The following DEDD variants were observed in gnomAD, a reference collection of about 807,000 sequenced individuals.
DEDD encodes the protein death effector domain containing, also known as death effector domain-containing protein.
A neutral mutation model predicts 29.2 loss-of-function variants in DEDD; 3 were observed. The ratio of observed to expected loss-of-function variants is 0.10; its 90% CI spans 0.05 to 0.27. The LOEUF (loss-of-function observed/expected upper bound fraction) is 0.27, where lower values mean the gene tolerates loss of function less well. Among genes scored for constraint, DEDD ranks in the 10% least tolerant of loss-of-function variants. DEDD has a pLI of 1.00. For missense variants in DEDD, 261 were observed against 420.5 expected, an observed-to-expected ratio of 0.62 and a Z score of 3.32; for synonymous variants, 152 against 161.3, an observed-to-expected ratio of 0.94 and a Z score of 0.44.
At position 161,121,243 on chromosome 1, in the gene DEDD, TGGA is replaced by T. The variant is rs1655458850; in HGVS notation, c.*901_*903del. 8 of 945,756 alleles carry T rather than the reference TGGA, an allele frequency of 8.5e-6. No homozygotes were observed. The highest frequency in any genetic ancestry group is 5.4e-4 in the Middle Eastern group (1 of 1,852). 58.6% of individuals were successfully genotyped at this position (945,756 alleles called of 1,614,324 possible). On this transcript the variant is annotated 3_prime_UTR_variant, in exon 6 of 6. Transcript: ENST00000368006. ...CCAAGCATGGGAGTGGGCGTAGGAG[TGGA>T]GGAGGGGGAAGGAAAAAGGAATTAC...
chr1:161,123,040 T>C (rs921371919), intron 5 of DEDD, 35 bp downstream of exon 5: 1 of 1,614,086 alleles, frequency 6.2e-7, no homozygotes, highest in African/African-American at 1.3e-5. Flanking sequence ...CTCCTTCAAG[T>C]CTGCTCCATC....
In DEDD at chr1:161,122,158, C is replaced by T. The variant is rs1488270308; in HGVS notation, c.946G>A (p.Ala316Thr). Residue 316 changes from alanine (A) to threonine (T), a missense_variant, in exon 6 of 6, where the codon GCA (alanine) becomes ACA (threonine). Physicochemically the swap from Ala to Thr is moderately conservative, Grantham distance 58. Coordinates refer to ENST00000368006, the MANE Select transcript of DEDD (RefSeq NM_032998.3). The surrounding 1 kb of genome is among the most constrained non-coding windows in gnomAD (Gnocchi z 4.2). The stretch of plus-strand genomic sequence containing the variant: ...GAAGAGGGAATAGGTCAGGGCAATG[C>T]TTGCAGCATCAAGTTCCTCAGGAGT... Reference protein sequence around the residue: ...QKLLRNLMLQALP With the variant: ...QKLLRNLMLQTLP 1 of 1,613,182 alleles carries T rather than the reference C, an allele frequency of 6.2e-7. No homozygotes were observed. Among genetic ancestry groups the T allele is most frequent in the Admixed American group, 1.7e-5 (1 of 60,012 alleles).
chr1:161,126,843 C>T (rs186674528), intron 2 of DEDD, among the ~76,000 whole-genome samples: 1 of 152,228 alleles, frequency 6.6e-6, no homozygotes, highest in Non-Finnish European at 1.5e-5. Flanking sequence ...ATTCCACACC[C>T]CCATCATCAC....
Position 161,121,298 on chromosome 1 carries a change from C to A in DEDD, c.*849G>T. On this transcript the variant is annotated 3_prime_UTR_variant, in exon 6 of 6. Transcript: ENST00000368006. ...TCACTTACACCTATGATGCCCTTTG[C>A]CCAAGCCAGAAGAAAGCAAAGGGGA... 2 of 535,104 alleles carry A rather than the reference C, an allele frequency of 3.7e-6. No homozygotes were observed. Among genetic ancestry groups the A allele is most frequent in the Non-Finnish European group, 4.8e-6 (2 of 417,610 alleles). The allele number at this position is 535,104 out of a possible 1,614,324, so 33.1% of individuals were successfully genotyped here.
Position 161,122,279 on chromosome 1 carries a change from G to A in DEDD, c.825C>T (p.Val275=), listed in dbSNP as rs764004238. Residue 275 remains valine, a synonymous_variant, in exon 6 of 6, where the codon GTC becomes GTT. Transcript: ENST00000368006. The surrounding 1 kb of genome is among the most constrained non-coding windows in gnomAD (Gnocchi z 4.2). ...CTTGCTTGAGGGAGTCTGTGATGAA[G>A]ACACCTTTAAGTGCCTCTAATAAAG... is the stretch of plus-strand genomic sequence containing the variant. The part of the protein sequence containing the change: ...NGSLLEALKG[V]FITDSLKQAV... 6.2e-7 allele frequency: 1 copy of A among 1,614,228 alleles called. No individual in the cohort carries two copies. Among genetic ancestry groups the A allele is most frequent in the South Asian group, 1.1e-5 (1 of 91,088 alleles).
At position 161,123,226 on chromosome 1, in the gene DEDD, C is replaced by T. The variant is rs372379351; in HGVS notation, c.434-5G>A. The T allele has an allele frequency of 3.7e-6, 6 of 1,611,032 alleles. No homozygotes were observed. The highest frequency in any genetic ancestry group is 4.2e-6 in the Non-Finnish European group (5 of 1,177,582). On this transcript the variant is annotated splice_polypyrimidine_tract_variant and splice_region_variant and intron_variant, in intron 4 of 5. Transcript: ENST00000368006. ...CCACAGGATAGTGGGGAGGCACTGA[C>T]CAGAAAGTAAAAGGGAAGAAAACAC...
chr1:161,130,111 G>A (rs541615810), intron 2 of DEDD, among the ~76,000 whole-genome samples: 3 of 152,204 alleles, frequency 2.0e-5, no homozygotes, highest in South Asian at 2.1e-4. Flanking sequence ...AGGGGAAAGC[G>A]ACATGAAAGA....
rs1250682142 is a variant in DEDD, at chr1:161,124,346, G to A, written c.117C>T (p.His39=). 4.3e-6 allele frequency: 7 copies of A among 1,614,110 alleles called. No homozygotes were observed. Among genetic ancestry groups the A allele is most frequent in the African/African-American group, 1.3e-5 (1 of 74,932 alleles). ...MFDIVGTHLT[H]RDVRVLSFLF... ...GGAAAGAAAGCACGCGCACATCTCT[G>A]TGTGTCAGATGAGTGCCCACGATGT... Residue 39 remains histidine, a synonymous_variant, in exon 3 of 6, where the codon CAC becomes CAT. Coordinates refer to ENST00000368006, the MANE Select transcript of DEDD (RefSeq NM_032998.3).
chr1:161,127,619 G>A lies in DEDD; in HGVS notation c.-64-3093C>T, dbSNP rs370971084. Among the ~76,000 whole-genome samples the A allele has an allele frequency of 1.6e-4, 25 of 152,356 alleles. 1 individual carries two copies. The South Asian group carries it at 5.2e-3, about 32-fold the overall frequency. On this transcript the variant is annotated intron_variant, in intron 2 of 5. Coordinates refer to ENST00000368006, the MANE Select transcript of DEDD (RefSeq NM_032998.3). ...ATCCATATATAGTTTTGAGAGCCCA[G>A]ATGCCCCACCCAAAGCATGGGAAAT...
rs1217202023 is a variant in DEDD at position 161,121,690 on chromosome 1, A to G, written c.*457T>C. ...ATAATTTGGAAGAGGGTGGCGATTA[A>G]TTTTCAAAATACACTTCAGAGTCCC... On this transcript the variant is annotated 3_prime_UTR_variant, in exon 6 of 6. Transcript: ENST00000368006. 1.3e-5 allele frequency: 2 copies of G among 155,718 alleles called. No homozygotes were observed. The highest frequency in any genetic ancestry group is 2.9e-5 in the Non-Finnish European group (2 of 69,936). 9.6% of individuals were successfully genotyped at this position (155,718 alleles called of 1,614,324 possible). A position where few individuals can be genotyped will look rare whatever the true frequency, so the allele number is the denominator to read the frequency against.
Position 161,121,779 on chromosome 1 carries a change from A to C in DEDD, c.*368T>G, listed in dbSNP as rs1336525058. The C allele has an allele frequency of 5.7e-6, 1 of 175,126 alleles. No homozygotes were observed. Among genetic ancestry groups the C allele is most frequent in the Non-Finnish European group, 1.2e-5 (1 of 81,080 alleles). The allele number at this position is 175,126 out of a possible 1,614,324, so 10.8% of individuals were successfully genotyped here. ...TTTTAGACAAAATTTAAGAGCTCTC[A>C]TAAAGCCAGAAGTATTGATAACTCC... On this transcript the variant is annotated 3_prime_UTR_variant, in exon 6 of 6. Coordinates refer to ENST00000368006, the MANE Select transcript of DEDD (RefSeq NM_032998.3).
Position 161,124,451 on chromosome 1 carries a change from T to C in DEDD, c.12A>G (p.Leu4=). 6.2e-7 allele frequency: 1 copy of C among 1,602,452 alleles called. No individual in the cohort carries two copies. Among genetic ancestry groups the C allele is most frequent in the Non-Finnish European group, 8.5e-7 (1 of 1,170,764 alleles). Residue 4 remains leucine (L), a synonymous_variant, in exon 3 of 6, where the codon CTA becomes CTG. Coordinates refer to ENST00000368006, the MANE Select transcript of DEDD (RefSeq NM_032998.3). MAG[L]KRRASQVWPE... The stretch of plus-strand genomic sequence containing the variant: ...GCCACACCTGGCTTGCCCGCCGCTT[T>C]AGGCCCGCCATGCTGGGGGCTCAGG...
intron 2 of DEDD, chr1:161,124,799 A>C: frequency 4.8e-6 from 1 of 209,648 alleles, no homozygotes. Flanking sequence ...CGTTTCTACA[A>C]AAAAAGAAAA....
intron 2 of DEDD, among the ~76,000 whole-genome samples, chr1:161,126,555 A>T (rs529953439): frequency 6.6e-6 from 1 of 151,526 alleles, no homozygotes; most frequent in Non-Finnish European, 1.5e-5. Flanking sequence ...TATTGGCCAG[A>T]CTGGTCTCGA....
At chr1:161,126,681 A>G (rs1656212437) in intron 2 of DEDD, among the ~76,000 whole-genome samples, 2 of 152,208 alleles carry the variant, frequency 1.3e-5, no homozygotes, top group Admixed American at 1.3e-4. Flanking sequence ...AAGCCTTCTA[A>G]GATCAGGCCT....
Position 161,122,625 on chromosome 1 carries a change from G to T in DEDD, c.581-102C>A. 1 of 1,412,930 alleles carries T rather than the reference G, an allele frequency of 7.1e-7. No individual in the cohort carries two copies. Among genetic ancestry groups the T allele is most frequent in the South Asian group, 1.4e-5 (1 of 73,016 alleles). 87.5% of individuals were successfully genotyped at this position (1,412,930 alleles called of 1,614,324 possible). On this transcript the variant is annotated intron_variant, in intron 5 of 5. Transcript: ENST00000368006. The surrounding 1 kb of genome is among the most constrained non-coding windows in gnomAD (Gnocchi z 4.2). ...AAGCACAACAGAATAAAAAAGTAGG[G>T]AATATCACCTGACAGCTTCTCTACC...
At chr1:161,124,663 G>C in intron 2 of DEDD, 137 bp from the exon 3 acceptor site, 23 of 1,194,432 alleles carry the variant, frequency 1.9e-5, no homozygotes, top group Non-Finnish European at 2.2e-5. Flanking sequence ...TGAAGTGTTT[G>C]TTTAAAAATA....
rs1656796896 is a variant in DEDD, at chr1:161,132,614, A to T, written c.-161T>A. 1 of 165,206 alleles carries T rather than the reference A, an allele frequency of 6.1e-6. No individual in the cohort carries two copies. The highest frequency in any genetic ancestry group is 1.3e-5 in the Non-Finnish European group (1 of 78,610). The allele number at this position is 165,206 out of a possible 1,614,324, so 10.2% of individuals were successfully genotyped here. A position where few individuals can be genotyped will look rare whatever the true frequency, so the allele number is the denominator to read the frequency against. On this transcript the variant is annotated 5_prime_UTR_variant, in exon 1 of 6. Transcript: ENST00000368006. ...CGCGCCGCTCTCCCGGGCCTGCCTCACGGCGCCGCATCCGGGCTCCAGCAG... is the reference window on the plus strand; with the variant it reads ...CGCGCCGCTCTCCCGGGCCTGCCTCTCGGCGCCGCATCCGGGCTCCAGCAG...
In DEDD at chr1:161,123,585, G is replaced by A. The variant is rs192184333; in HGVS notation, c.433+254C>T. Among the ~76,000 whole-genome samples, 214 of 149,744 alleles carry A rather than the reference G, an allele frequency of 1.4e-3. 2 individuals carry two copies. In the East Asian group the frequency reaches 0.038, roughly 27 times the overall value. On this transcript the variant is annotated intron_variant, in intron 4 of 5. Coordinates refer to ENST00000368006, the MANE Select transcript of DEDD (RefSeq NM_032998.3). ...TGGGAAGTGGGGCTTGCAGTGAACC[G>A]AGATTGCGCCACTGCACTCCAGCCT...
Sources: allele counts gnomAD v4.1 joint callset (sites outside exome capture counted in the v4.1 genomes callset), GRCh38; gene constraint gnomAD v4.1.1; non-coding constraint Gnocchi (gnomAD v3.1); transcripts MANE v1.5; gene names NCBI Gene and HGNC (gene_info 2026-07-23, HGNC 2026-07-21).